Variants in ANKIB1 observed in about 807,000 individuals in gnomAD.
ANKIB1 encodes ankyrin repeat and IBR domain containing 1.
A neutral mutation model predicts 122.1 loss-of-function variants in ANKIB1; 43 were observed. The ratio of observed to expected loss-of-function variants is 0.35; its 90% CI spans 0.28 to 0.45. ANKIB1 has a LOEUF of 0.45. ANKIB1 is among the 20% of genes least tolerant of loss of function. The pLI is 1.00. For missense variants in ANKIB1, 992 were observed against 1,329.5 expected (o/e 0.75, Z 3.95); for synonymous variants, 390 against 442.0 (o/e 0.88, Z 1.48).
intron 11 of ANKIB1, among the ~76,000 whole-genome samples, chr7:92,383,770 C>A (rs948973603): frequency 6.6e-6 from 1 of 152,072 alleles, no homozygotes; most frequent in South Asian, 2.1e-4. Context: ...TATGACAAAC[C>A]CACAGCCAGT....
Position 92,401,353 on chromosome 7 carries a change from T to C in ANKIB1, c.*2404T>C, listed in dbSNP as rs953419830. The C allele has an allele frequency of 3.3e-5, 5 of 152,246 alleles. No homozygotes were observed. The highest frequency in any genetic ancestry group is 7.3e-5 in the Non-Finnish European group (5 of 68,044). 9.4% of individuals were successfully genotyped at this position (152,246 alleles called of 1,614,324 possible). A position where few individuals can be genotyped will look rare whatever the true frequency, so the allele number is the denominator to read the frequency against. On this transcript the variant is annotated 3_prime_UTR_variant, in exon 20 of 20. Coordinates refer to ENST00000265742, the MANE Select transcript of ANKIB1 (RefSeq NM_019004.2). ...TGAATGCTGTTAATAATATGTAAAA[T>C]TCTTTGATTAAACATTTATTACTTA... is the stretch of plus-strand genomic sequence containing the variant.
At chr7:92,249,608 T>A (rs1389402883) in intron 1 of ANKIB1, among the ~76,000 whole-genome samples, 1 of 151,950 alleles carries the variant, frequency 6.6e-6, no homozygotes, top group East Asian at 1.9e-4. Flanking sequence ...TAATCCCAGC[T>A]ACTTGGGAGG....
At chr7:92,326,590 A>G (rs892301133) in intron 4 of ANKIB1, among the ~76,000 whole-genome samples, 15 of 152,194 alleles carry the variant, frequency 9.9e-5, no homozygotes, top group Admixed American at 9.8e-4. Context: ...TTCTAGAAGC[A>G]ATGTATGACT....
intron 5 of ANKIB1, among the ~76,000 whole-genome samples, chr7:92,336,629 T>G (rs988176112): frequency 2.0e-5 from 3 of 152,236 alleles, no homozygotes; most frequent in Admixed American, 6.5e-5. Context: ...TTCCTGTGGC[T>G]CTCTCCTTTC....
rs191187922 is a variant in ANKIB1 at position 92,393,390 on chromosome 7, C to T, written c.2283+1098C>T. Among the ~76,000 whole-genome samples, 1,341 of 151,836 alleles carry T rather than the reference C, an allele frequency of 8.8e-3. 27 individuals are homozygous for T. The highest frequency in any genetic ancestry group is 0.02 in the Middle Eastern group (6 of 294). ...TTTTATTTTAAAACTAATTATGAAC[C>T]TTTATCTGATCCTGTATTTATTATT... On this transcript the variant is annotated intron_variant, in intron 17 of 19. Transcript: ENST00000265742.
intron 2 of ANKIB1, among the ~76,000 whole-genome samples, chr7:92,301,546 G>A (rs934355041): frequency 2.0e-5 from 3 of 151,834 alleles, no homozygotes; most frequent in Admixed American, 6.6e-5. Context: ...TATTTGTTTT[G>A]TGCTATTGCA....
At chr7:92,390,551 C>A (rs1422348809) in intron 15 of ANKIB1, among the ~76,000 whole-genome samples, 1 of 152,176 alleles carries the variant, frequency 6.6e-6, no homozygotes, top group East Asian at 1.9e-4. Flanking sequence ...ACACCTAAGC[C>A]AATTGGCATC....
chr7:92,306,721 T>A (rs1047172262), intron 2 of ANKIB1, among the ~76,000 whole-genome samples: 3 of 152,198 alleles, frequency 2.0e-5, no homozygotes, highest in Non-Finnish European at 4.4e-5. Flanking sequence ...GTTTCTTGTT[T>A]ATAAACCATT....
At chr7:92,268,735 C>G (rs1297606297) in intron 1 of ANKIB1, among the ~76,000 whole-genome samples, 1 of 152,254 alleles carries the variant, frequency 6.6e-6, no homozygotes, top group East Asian at 1.9e-4. Context: ...CTGGACCTCT[C>G]CAAGTGCTGG....
rs377528616 is a variant in ANKIB1, at chr7:92,281,137, T to A, written c.-90-13752T>A. On this transcript the variant is annotated intron_variant, in intron 1 of 19. Transcript: ENST00000265742. ...TTCTTCCCATGGAATCATACAATAC[T>A]TATGTAATTTACATAATTTATCCAG... Among the ~76,000 whole-genome samples, 4 of 152,350 alleles carry A rather than the reference T, an allele frequency of 2.6e-5. 1 individual carries two copies.
chr7:92,334,066 T>G (rs1803236124), intron 5 of ANKIB1, among the ~76,000 whole-genome samples: 1 of 152,168 alleles, frequency 6.6e-6, no homozygotes, highest in African/African-American at 2.4e-5. Context: ...GAAAATTGTT[T>G]GGATGTGCTA....
chr7:92,399,003 G>C lies in ANKIB1; in HGVS notation c.*54G>C. On this transcript the variant is annotated 3_prime_UTR_variant, in exon 20 of 20. Transcript: ENST00000265742. ...TACAGGTACAGATGGTATGCTAGGT[G>C]GAGTATGCTTGATAGAGACTTTGAT... is the stretch of plus-strand genomic sequence containing the variant. 6.7e-7 allele frequency: 1 copy of C among 1,484,872 alleles called. No individual in the cohort carries two copies. Among genetic ancestry groups the C allele is most frequent in the Non-Finnish European group, 9.0e-7 (1 of 1,116,510 alleles). 92.0% of individuals were successfully genotyped at this position (1,484,872 alleles called of 1,614,324 possible). A position where few individuals can be genotyped will look rare whatever the true frequency, so the allele number is the denominator to read the frequency against.
chr7:92,280,495 G>T (rs1053909794), intron 1 of ANKIB1, among the ~76,000 whole-genome samples: 31 of 141,994 alleles, frequency 2.2e-4, no homozygotes, highest in Admixed American at 2.0e-3. Context: ...CTTTACTCCA[G>T]CCTTGGGAGT....
intron 4 of ANKIB1, among the ~76,000 whole-genome samples, chr7:92,327,196 G>A (rs28561899): frequency 0.025 from 3,754 of 152,268 alleles, 166 homozygotes; most frequent in African/African-American, 0.086. Flanking sequence ...ATTATACTAT[G>A]ATATTTTATT....
In ANKIB1 at chr7:92,398,837, C is replaced by T; in HGVS notation, c.3158C>T (p.Ser1053Phe). The T allele has an allele frequency of 6.2e-7, 1 of 1,604,310 alleles. No homozygotes were observed. The highest frequency in any genetic ancestry group is 8.5e-7 in the Non-Finnish European group (1 of 1,175,114). Residue 1053 changes from serine to phenylalanine, a missense_variant, in exon 20 of 20, where the codon TCT (serine) becomes TTT (phenylalanine). Coordinates refer to ENST00000265742, the MANE Select transcript of ANKIB1 (RefSeq NM_019004.2). ...EENILAGEAA[S>F]QAGDSGNEAA... ...AATATTCTGGCGGGGGAAGCAGCAT[C>T]TCAAGCTGGTGACAGTGGTAACGAG...
chr7:92,311,467 A>G (rs1275823910), intron 3 of ANKIB1, among the ~76,000 whole-genome samples: 1 of 152,140 alleles, frequency 6.6e-6, no homozygotes, highest in Non-Finnish European at 1.5e-5. Context: ...TTAAGATCAA[A>G]GAGATTATCT....
At chr7:92,359,984 A>G (rs1221502586) in intron 9 of ANKIB1, among the ~76,000 whole-genome samples, 2 of 152,174 alleles carry the variant, frequency 1.3e-5, no homozygotes, top group Non-Finnish European at 2.9e-5. Context: ...CTGTAAAACC[A>G]CAATTATGGA....
chr7:92,258,335 G>A lies in ANKIB1; in HGVS notation c.-91+11816G>A, dbSNP rs182825554. 7.2e-3 allele frequency among the ~76,000 whole-genome samples: 1,092 copies of A among 152,326 alleles called. 11 individuals are homozygous for A. Among genetic ancestry groups the A allele is most frequent in the African/African-American group, 0.025 (1,040 of 41,572 alleles). On this transcript the variant is annotated intron_variant, in intron 1 of 19. Coordinates refer to ENST00000265742, the MANE Select transcript of ANKIB1 (RefSeq NM_019004.2). ...TACTGATAATCCTTGAGAGAATTGA[G>A]TGTTAATGTCCTAAGCCAGAGGTTC...
chr7:92,341,148 A>T (rs1391554344), intron 5 of ANKIB1, among the ~76,000 whole-genome samples: 2 of 151,948 alleles, frequency 1.3e-5, no homozygotes, highest in African/African-American at 4.8e-5. Context: ...CTACTAAAAA[A>T]TATGTATAAA....
Sources: allele counts gnomAD v4.1 joint callset (sites outside exome capture counted in the v4.1 genomes callset), GRCh38; gene constraint gnomAD v4.1.1; transcripts MANE v1.5; gene names NCBI Gene and HGNC (gene_info 2026-07-23, HGNC 2026-07-21).